Variants in VPS35 observed in about 807,000 individuals in gnomAD.
VPS35 encodes vacuolar protein sorting-associated protein 35.
Under a neutral mutation model 98.1 loss-of-function variants are expected in VPS35, and 21 were observed. The ratio of observed to expected loss-of-function variants is 0.21; its 90% confidence interval spans 0.15 to 0.31. The LOEUF (loss-of-function observed/expected upper bound fraction) is 0.31. Ranked by LOEUF, VPS35 falls within the 10% of genes least tolerant of loss-of-function variation. The pLI is 1.00. For synonymous variants in VPS35, 268 were observed against 318.2 expected (o/e 0.84, Z 1.68); for missense variants, 554 against 950.8 (o/e 0.58, Z 5.49).
At chr16:46,679,232 CCTACTTAT>C in intron 5 of VPS35, 76 bp from the exon 6 acceptor site, 1 of 1,290,072 alleles carries the variant, frequency 7.8e-7, no homozygotes, top group South Asian at 1.3e-5. Flanking sequence ...TTGTGTATTT[CCTACTTAT>C]CTCTATAGTA....
chr16:46,677,855 T>A (rs1454618537), intron 6 of VPS35, among the ~76,000 whole-genome samples: 2 of 152,218 alleles, frequency 1.3e-5, no homozygotes, highest in Non-Finnish European at 2.9e-5. Context: ...CTTTGTCTAA[T>A]CCTAGGTCAT....
chr16:46,685,220 A>G (rs1966292871), intron 1 of VPS35, among the ~76,000 whole-genome samples: 1 of 152,236 alleles, frequency 6.6e-6, no homozygotes, highest in Admixed American at 6.5e-5. Flanking sequence ...AATGCCTCTC[A>G]CACAATGAGT....
chr16:46,687,594 G>GT (rs1387530301), intron 1 of VPS35, among the ~76,000 whole-genome samples: 1 of 152,108 alleles, frequency 6.6e-6, no homozygotes, highest in Non-Finnish European at 1.5e-5. Flanking sequence ...TCCACACACT[G>GT]TATTACAGTT....
intron 10 of VPS35, among the ~76,000 whole-genome samples, chr16:46,673,097 T>C (rs1238740256): frequency 1.3e-5 from 2 of 152,144 alleles, no homozygotes; most frequent in Admixed American, 6.5e-5. Context: ...AAGACACAGA[T>C]ACATCATTTA....
rs930707552 is a variant in VPS35 at position 46,658,626 on chromosome 16, T to C, written c.*1846A>G. The stretch of plus-strand genomic sequence containing the variant: ...TGTCTTTTCTACTATTCCAGTTGTA[T>C]TTCACAAAACATGTAAATAATATGG... On this transcript the variant is annotated 3_prime_UTR_variant, in exon 17 of 17. Transcript: ENST00000299138. 1 of 153,052 alleles carries C rather than the reference T, an allele frequency of 6.5e-6. No individual in the cohort carries two copies. 9.5% of individuals were successfully genotyped at this position (153,052 alleles called of 1,614,324 possible).
In VPS35 at chr16:46,660,100, A is replaced by AAGAAAATAC. The variant is rs948578513; in HGVS notation, c.*363_*371dup. 2.1e-5 allele frequency: 4 copies of AAGAAAATAC among 186,674 alleles called. No individual in the cohort carries two copies. The Admixed American group carries it at 2.2e-4, about 10-fold the overall frequency. 11.6% of individuals were successfully genotyped at this position (186,674 alleles called of 1,614,324 possible). A position where few individuals can be genotyped will look rare whatever the true frequency, so the allele number is the denominator to read the frequency against. The stretch of plus-strand genomic sequence containing the variant: ...TTTGGGTTAGTACTCCCCAGGAATG[A>AAGAAAATAC]AGAAAATACACAATCAACAATGAAG... On this transcript the variant is annotated 3_prime_UTR_variant, in exon 17 of 17. Transcript: ENST00000299138.
chr16:46,662,191 T>C, intron 15 of VPS35, 52 bp downstream of exon 15: 1 of 1,613,274 alleles, frequency 6.2e-7, no homozygotes, highest in Non-Finnish European at 8.5e-7. Context: ...CCATGACAAC[T>C]GATCCCTGTT....
chr16:46,668,828 T>C lies in VPS35; in HGVS notation c.1647+102A>G, dbSNP rs117178911. 68,165 of 1,515,946 alleles carry C rather than the reference T, an allele frequency of 0.045. 1,746 individuals are homozygous for C. The highest frequency in any genetic ancestry group is 0.07 in the Middle Eastern group (295 of 4,240). 93.9% of individuals were successfully genotyped at this position (1,515,946 alleles called of 1,614,324 possible). ...TGGGATTTTATTATACCACTGTCTA[T>C]TTTTGTACGTTTGAAATTTTTTATA... On this transcript the variant is annotated intron_variant, in intron 13 of 16. Transcript: ENST00000299138.
intron 7 of VPS35, 94 bp from the exon 8 acceptor site, chr16:46,676,786 G>A: frequency 2.3e-6 from 2 of 862,280 alleles, no homozygotes; most frequent in South Asian, 1.4e-5. Flanking sequence ...AAAAAACACT[G>A]TATTCTTATA....
rs1254883712 is a variant in VPS35 at position 46,682,332 on chromosome 16, T to C, written c.103-157A>G. On this transcript the variant is annotated intron_variant, in intron 2 of 16. Transcript: ENST00000299138. ...ACATTAAAAAAACAACTTAGATCGG[T>C]TCACCTTGCCGTCTCTACTGAAAAA... 4 of 641,524 alleles carry C rather than the reference T, an allele frequency of 6.2e-6. No homozygotes were observed. In the East Asian group the frequency reaches 1.1e-4, roughly 18 times the overall value. 39.7% of individuals were successfully genotyped at this position (641,524 alleles called of 1,614,324 possible).
At chr16:46,682,318 AC>A in intron 2 of VPS35, 143 bp from the exon 3 acceptor site, 1 of 695,772 alleles carries the variant, frequency 1.4e-6, no homozygotes, top group South Asian at 1.7e-5. Flanking sequence ...CATTAAAAAA[AC>A]AACTTAGATC....
chr16:46,660,820 C>CAAAAAAAAAAAAA, intron 16 of VPS35, 169 bp from the exon 17 acceptor site: 2 of 339,676 alleles, frequency 5.9e-6, no homozygotes, highest in Non-Finnish European at 1.1e-5. Context: ...TACTGACTAT[C>CAAAAAAAAAAAAA]AAAAAAAAAA....
rs776309493 is a variant in VPS35 at position 46,680,644 on chromosome 16, A to G, written c.506+27T>C. The G allele has an allele frequency of 8.7e-6, 14 of 1,609,716 alleles. No individual in the cohort carries two copies. The South Asian group carries it at 1.1e-4, about 13-fold the overall frequency. On this transcript the variant is annotated intron_variant, in intron 5 of 16. Coordinates refer to ENST00000299138, the MANE Select transcript of VPS35 (RefSeq NM_018206.6). Reference sequence around the variant, plus strand: ...ATTCTACAATGAAAGAAATATTGCAACAAAATTAAGAAAGAAAATCACTTA... The same window carrying G: ...ATTCTACAATGAAAGAAATATTGCAGCAAAATTAAGAAAGAAAATCACTTA...
chr16:46,678,101 C>G (rs1596721511), intron 6 of VPS35, among the ~76,000 whole-genome samples: 1 of 152,122 alleles, frequency 6.6e-6, no homozygotes, highest in African/African-American at 2.4e-5. Flanking sequence ...AGTCAGAGAT[C>G]GGTAAACTGA....
chr16:46,679,974 C>G (rs533043820), intron 5 of VPS35, among the ~76,000 whole-genome samples: 3 of 151,478 alleles, frequency 2.0e-5, no homozygotes, highest in African/African-American at 7.3e-5. Flanking sequence ...TTGGGGCAAA[C>G]TGAAAAAAGA....
chr16:46,676,965 A>G (rs1343795274), intron 7 of VPS35, among the ~76,000 whole-genome samples: 1 of 152,192 alleles, frequency 6.6e-6, no homozygotes, highest in Non-Finnish European at 1.5e-5. Context: ...CATTGATACA[A>G]AGACCAAGGT....
At position 46,680,856 on chromosome 16, in the gene VPS35, A is replaced by G; in HGVS notation, c.324-3T>C. ...CTCCAACTGTGATCAAAAGGTAACT[A>G]GGAAAATTATGAAGAAATGCTGATT... On this transcript the variant is annotated splice_polypyrimidine_tract_variant and splice_region_variant and intron_variant, in intron 4 of 16. Coordinates refer to ENST00000299138, the MANE Select transcript of VPS35 (RefSeq NM_018206.6). The G allele has an allele frequency of 6.2e-7, 1 of 1,613,190 alleles. No individual in the cohort carries two copies. The highest frequency in any genetic ancestry group is 1.3e-5 in the African/African-American group (1 of 75,028).
intron 16 of VPS35, 182 bp from the exon 17 acceptor site, chr16:46,660,833 A>AAAG: frequency 1.5e-6 from 1 of 688,516 alleles, no homozygotes. Context: ...AAAAAAAAAA[A>AAAG]AAAAAACAAC....
rs1283397317 is a variant in VPS35, at chr16:46,657,162, G to A, written c.*3310C>T. Reference sequence around the variant, plus strand: ...AAACCTAAGGCAAGTCACTACTCTTGGGAATTCAAGTGTATGGTAAATGTG... The same window carrying A: ...AAACCTAAGGCAAGTCACTACTCTTAGGAATTCAAGTGTATGGTAAATGTG... On this transcript the variant is annotated 3_prime_UTR_variant, in exon 17 of 17. Coordinates refer to ENST00000299138, the MANE Select transcript of VPS35 (RefSeq NM_018206.6). 6.6e-6 allele frequency: 1 copy of A among 152,178 alleles called. No individual in the cohort carries two copies. Among genetic ancestry groups the A allele is most frequent in the African/African-American group, 2.4e-5 (1 of 41,428 alleles). 9.4% of individuals were successfully genotyped at this position (152,178 alleles called of 1,614,324 possible). A position where few individuals can be genotyped will look rare whatever the true frequency, so the allele number is the denominator to read the frequency against.
Sources: gnomAD v4.1 joint callset for allele counts (sites outside exome capture counted in the v4.1 genomes callset) on GRCh38, gnomAD v4.1.1 for gene constraint, MANE v1.5 for transcripts, NCBI Gene and HGNC (gene_info 2026-07-23, HGNC 2026-07-21) for gene names.